Variants in GOLGA3 observed in about 807,000 individuals in gnomAD.
GOLGA3 encodes the protein golgin subfamily A member 3.
Under a neutral mutation model 169.4 loss-of-function variants are expected in GOLGA3, and 75 were observed. That is an observed-to-expected ratio of 0.44 (90% CI 0.37 to 0.54). The LOEUF (loss-of-function observed/expected upper bound fraction) is 0.54, where lower values mean the gene tolerates loss of function less well. GOLGA3 is among the 20% of genes least tolerant of loss of function. GOLGA3 has a pLI of 0.00. For missense variants in GOLGA3, 1,899 were observed against 1,930.0 expected (o/e 0.98, Z 0.30); for synonymous variants, 824 against 822.4 (o/e 1.00, Z -0.03).
In GOLGA3 at chr12:132,796,576, G is replaced by C. The variant is rs199619272; in HGVS notation, c.2063C>G (p.Ala688Gly). The change falls in exon 10 of 24, where the codon GCG becomes GGG. Residue 688 changes from alanine (A) to glycine (G), a missense_variant. By Grantham distance (60) the Ala-to-Gly change is moderately conservative. Coordinates refer to ENST00000450791, the MANE Select transcript of GOLGA3 (RefSeq NM_001389683.1). ...EGERERLQRM[A>G]DSAASLEQQL... ...CTGCTCCAGGGATGCCGCCGAGTCC[G>C]CCATCCTCTGCAGCCGCTCCCTCTC... 1 of 1,612,666 alleles carries C rather than the reference G, an allele frequency of 6.2e-7. No homozygotes were observed.
rs987539921 is a variant in GOLGA3 at position 132,784,396 on chromosome 12, T to C, written c.3124-89A>G. The C allele has an allele frequency of 3.3e-5, 37 of 1,127,296 alleles. No homozygotes were observed. In the South Asian group the frequency reaches 5.1e-4, roughly 15 times the overall value. 69.8% of individuals were successfully genotyped at this position (1,127,296 alleles called of 1,614,324 possible). A position where few individuals can be genotyped will look rare whatever the true frequency, so the allele number is the denominator to read the frequency against. On this transcript the variant is annotated intron_variant, in intron 15 of 23. Coordinates refer to ENST00000450791, the MANE Select transcript of GOLGA3 (RefSeq NM_001389683.1). ...TGGTGCCGGCAGGCATGAGGCTGTGTGGCTGCACACACCAGACACCAGCTG... is the reference window on the plus strand; with the variant it reads ...TGGTGCCGGCAGGCATGAGGCTGTGCGGCTGCACACACCAGACACCAGCTG...
At chr12:132,784,760 G>A (rs201949760) in intron 15 of GOLGA3, among the ~76,000 whole-genome samples, 155 of 68,288 alleles carry the variant, frequency 2.3e-3, no homozygotes, top group African/African-American at 9.9e-3. Flanking sequence ...CACACCCCAC[G>A]TGTTCACACC....
rs142608514 is a variant in GOLGA3, at chr12:132,776,660, G to C, written c.3952C>G (p.Leu1318Val). 2.5e-4 allele frequency: 407 copies of C among 1,612,420 alleles called. No individual in the cohort carries two copies. The highest frequency in any genetic ancestry group is 3.3e-4 in the Non-Finnish European group (395 of 1,179,116). Residue 1318 changes from leucine to valine, a missense_variant, in exon 21 of 24, where the codon CTG (leucine) becomes GTG (valine). Transcript: ENST00000450791. ...DLTEQQGRKE[L>V]EGLQQLLQNV... is the part of the protein sequence containing the mutation. ...TGCAGCAGCTGCTGTAGCCCTTCCA[G>C]TTCCTTCCTGCCCTGCTGCTCCGTC...
At chr12:132,808,716 G>A (rs549483153) in intron 4 of GOLGA3, among the ~76,000 whole-genome samples, 167 bp from the exon 5 acceptor site, 6 of 152,278 alleles carry the variant, frequency 3.9e-5, no homozygotes, top group Admixed American at 3.3e-4. Context: ...CCTCCGATCC[G>A]TGGTGGTCTC....
chr12:132,774,294 G>A lies in GOLGA3; in HGVS notation c.4170C>T (p.Ser1390=), dbSNP rs751366824. The A allele has an allele frequency of 7.4e-6, 12 of 1,612,446 alleles. No homozygotes were observed. The highest frequency in any genetic ancestry group is 1.1e-5 in the South Asian group (1 of 91,092). The change falls in exon 23 of 24, where the codon AGC becomes AGT. Residue 1390 remains serine, a synonymous_variant. Transcript: ENST00000450791. ...KTRKEPKGEA[S]SSNPATPIKI... is the part of the protein sequence containing the mutation. ...TGATGGGCGTGGCAGGGTTGGAAGA[G>A]CTGGCCTCGCCTTTCGGCTCCTTTC...
At chr12:132,781,395 T>C (rs1189364137) in intron 17 of GOLGA3, among the ~76,000 whole-genome samples, 2 of 151,970 alleles carry the variant, frequency 1.3e-5, no homozygotes, top group Non-Finnish European at 2.9e-5. Flanking sequence ...TTGTCTCTAC[T>C]AAAAATATGA....
chr12:132,783,232 C>T (rs1038206984), intron 16 of GOLGA3, among the ~76,000 whole-genome samples: 7 of 152,232 alleles, frequency 4.6e-5, no homozygotes, highest in Admixed American at 3.9e-4. Context: ...CACAACCCTG[C>T]GATGGACACC....
At chr12:132,809,199 C>G (rs1949573704) in intron 4 of GOLGA3, among the ~76,000 whole-genome samples, 1 of 152,210 alleles carries the variant, frequency 6.6e-6, no homozygotes, top group African/African-American at 2.4e-5. Flanking sequence ...ATATCAGGGA[C>G]TATTAGTACT....
Position 132,813,513 on chromosome 12 carries a change from C to T in GOLGA3, c.407-94G>A, listed in dbSNP as rs1593365879. On this transcript the variant is annotated intron_variant, in intron 3 of 23. Transcript: ENST00000450791. ...CTTGGTCATTTTGTACTTAATTACC[C>T]ATATACTTTACACCTAAACAATGCA... 24 of 654,600 alleles carry T rather than the reference C, an allele frequency of 3.7e-5. No individual in the cohort carries two copies. The East Asian group carries it at 6.5e-4, about 18-fold the overall frequency. 40.5% of individuals were successfully genotyped at this position (654,600 alleles called of 1,614,324 possible).
intron 4 of GOLGA3, among the ~76,000 whole-genome samples, chr12:132,811,513 T>C (rs1268879155): frequency 2.6e-5 from 4 of 151,656 alleles, no homozygotes; most frequent in Non-Finnish European, 5.9e-5. Context: ...CAGGCTGGAG[T>C]GCAGTGGTGC....
chr12:132,826,511 G>A (rs766462460), intron 1 of GOLGA3, among the ~76,000 whole-genome samples: 7 of 149,886 alleles, frequency 4.7e-5, no homozygotes, highest in Middle Eastern at 3.2e-3. Context: ...ACAGCCAACC[G>A]CACCGAGCTG....
At chr12:132,815,763 G>A (rs1333768312) in intron 3 of GOLGA3, among the ~76,000 whole-genome samples, 1 of 152,138 alleles carries the variant, frequency 6.6e-6, no homozygotes, top group Non-Finnish European at 1.5e-5. Flanking sequence ...AGCCAGGTGT[G>A]GTGACACGCA....
chr12:132,794,069 C>T (rs533090423), intron 11 of GOLGA3, among the ~76,000 whole-genome samples: 2 of 152,208 alleles, frequency 1.3e-5, no homozygotes, highest in Non-Finnish European at 2.9e-5. Flanking sequence ...ACGCATCATT[C>T]ATCCGTTCCG....
Position 132,784,049 on chromosome 12 carries a change from T to C in GOLGA3, c.3267+115A>G, listed in dbSNP as rs1166083897. ...GGTCAGAAGGTGGCAACACCAAAAGTAGCAACGCTGGGCACACGGTGAAGT... is the reference window on the plus strand; with the variant it reads ...GGTCAGAAGGTGGCAACACCAAAAGCAGCAACGCTGGGCACACGGTGAAGT... On this transcript the variant is annotated intron_variant, in intron 16 of 23. Transcript: ENST00000450791. 3 of 1,542,960 alleles carry C rather than the reference T, an allele frequency of 1.9e-6. No homozygotes were observed. The South Asian group carries it at 3.5e-5, about 18-fold the overall frequency.
At chr12:132,824,918 C>A (rs552318777) in intron 1 of GOLGA3, among the ~76,000 whole-genome samples, 1 of 152,118 alleles carries the variant, frequency 6.6e-6, no homozygotes, top group African/African-American at 2.4e-5. Flanking sequence ...GCCACGCCCA[C>A]CTGGGAATGG....
At chr12:132,825,028 G>A (rs1349985988) in intron 1 of GOLGA3, among the ~76,000 whole-genome samples, 2 of 152,162 alleles carry the variant, frequency 1.3e-5, no homozygotes, top group Non-Finnish European at 2.9e-5. Flanking sequence ...TGGCACGGAG[G>A]ACTACACGCG....
At chr12:132,781,036 C>T (rs1162369739) in intron 17 of GOLGA3, 122 bp from the exon 18 acceptor site, 7 of 711,120 alleles carry the variant, frequency 9.8e-6, no homozygotes, top group Admixed American at 8.7e-5. Flanking sequence ...GTAGAGGGAA[C>T]TTCACTGCTG....
intron 2 of GOLGA3, among the ~76,000 whole-genome samples, chr12:132,818,693 G>GTCACAGCC (rs1673682491): frequency 1.3e-5 from 2 of 152,212 alleles, no homozygotes; most frequent in South Asian, 4.1e-4. Context: ...GTTAATCAGA[G>GTCACAGCC]TCACAGCCTC....
At chr12:132,784,048 G>A (rs2045761038) in intron 16 of GOLGA3, 116 bp downstream of exon 16, 1 of 1,541,924 alleles carries the variant, frequency 6.5e-7, no homozygotes, top group African/African-American at 1.4e-5. Context: ...AACACCAAAA[G>A]TAGCAACGCT....
Sources: gnomAD v4.1 joint callset for allele counts (sites outside exome capture counted in the v4.1 genomes callset) on GRCh38, gnomAD v4.1.1 for gene constraint, MANE v1.5 for transcripts, NCBI Gene and HGNC (gene_info 2026-07-23, HGNC 2026-07-21) for gene names.